CNTN1: variants seen among roughly 807,000 people sequenced by gnomAD.
The protein encoded by CNTN1 is contactin 1.
In CNTN1, 38 loss-of-function variants were observed where a neutral mutation model predicts 126.4. The observed-to-expected ratio is 0.30, with a 90% CI of 0.23 to 0.39. The LOEUF (loss-of-function observed/expected upper bound fraction) is 0.39, where lower values mean the gene tolerates loss of function less well. Among genes scored for constraint, CNTN1 ranks in the 10% least tolerant of loss-of-function variants. The pLI is 1.00. For missense variants in CNTN1, 1,009 were observed against 1,248.4 expected (o/e 0.81, Z 2.89); for synonymous variants, 413 against 422.6 (o/e 0.98, Z 0.28).
In CNTN1 at chr12:41,070,160, T is replaced by C. The variant is rs1393371936; in HGVS notation, c.*125T>C. The C allele has an allele frequency of 1.2e-6, 1 of 818,498 alleles. No individual in the cohort carries two copies. The allele number at this position is 818,498 out of a possible 1,614,324, so 50.7% of individuals were successfully genotyped here. ...CCAAATAAATTATACTTTAACAAAC[T>C]ATTCAACTGATTTACAACACACATG... On this transcript the variant is annotated 3_prime_UTR_variant, in exon 24 of 24. Coordinates refer to ENST00000551295, the MANE Select transcript of CNTN1 (RefSeq NM_001843.4).
At chr12:41,053,757 C>T (rs1278657088) in intron 23 of CNTN1, among the ~76,000 whole-genome samples, 1 of 151,284 alleles carries the variant, frequency 6.6e-6, no homozygotes, top group Non-Finnish European at 1.5e-5. Context: ...TATTATTATA[C>T]TTGTTGAACT....
intron 1 of CNTN1, among the ~76,000 whole-genome samples, chr12:40,708,348 CTAT>C (rs1941822783): frequency 6.6e-6 from 1 of 152,190 alleles, no homozygotes; most frequent in South Asian, 2.1e-4. Flanking sequence ...GTACTGTAGT[CTAT>C]TAAGTGTGCA....
intron 1 of CNTN1, among the ~76,000 whole-genome samples, chr12:40,899,105 C>A (rs1565905407): frequency 6.6e-6 from 1 of 152,136 alleles, no homozygotes; most frequent in African/African-American, 2.4e-5. Flanking sequence ...GGCACTATTT[C>A]TTTACAGGTC....
At chr12:40,852,044 A>G (rs1457691363) in intron 1 of CNTN1, among the ~76,000 whole-genome samples, 1 of 152,178 alleles carries the variant, frequency 6.6e-6, no homozygotes, top group African/African-American at 2.4e-5. Flanking sequence ...AGCTGGCCCA[A>G]GTTCTTGAAA....
intron 23 of CNTN1, among the ~76,000 whole-genome samples, chr12:41,052,397 A>G (rs1265571499): frequency 6.6e-6 from 1 of 152,154 alleles, no homozygotes; most frequent in African/African-American, 2.4e-5. Context: ...AAAATGTCTG[A>G]ATATATATGC....
chr12:40,912,745 C>T (rs1945087173), intron 3 of CNTN1, among the ~76,000 whole-genome samples: 1 of 152,056 alleles, frequency 6.6e-6, no homozygotes, highest in Non-Finnish European at 1.5e-5. Context: ...CAACTAGACT[C>T]ACATCAGTCA....
intron 1 of CNTN1, among the ~76,000 whole-genome samples, chr12:40,842,864 C>T (rs992775106): frequency 1.4e-4 from 21 of 152,150 alleles, no homozygotes; most frequent in African/African-American, 4.3e-4. Flanking sequence ...TGTACATATC[C>T]AATGTAAGAT....
intron 17 of CNTN1, among the ~76,000 whole-genome samples, chr12:40,994,255 C>T (rs528018466): frequency 1.2e-4 from 19 of 152,006 alleles, no homozygotes; most frequent in Non-Finnish European, 2.2e-4. Context: ...TTCTCTCTGA[C>T]GATTTTTACT....
chr12:40,947,764 C>CATATAT lies in CNTN1; in HGVS notation c.1683+3608_1683+3613dup, dbSNP rs34815270. ...CCAGTTTTGGAGATTGTCACTATTT[C>CATATAT]ATATATATATATATATATACACACA... On this transcript the variant is annotated intron_variant, in intron 14 of 23. Transcript: ENST00000551295. Among the ~76,000 whole-genome samples the CATATAT allele has an allele frequency of 8.5e-3, 581 of 68,168 alleles. 8 individuals are homozygous for CATATAT. The highest frequency in any genetic ancestry group is 0.034 in the African/African-American group (515 of 15,276). 44.7% of individuals were successfully genotyped at this position (68,168 alleles called of 152,430 possible). A position where few individuals can be genotyped will look rare whatever the true frequency, so the allele number is the denominator to read the frequency against.
chr12:40,906,669 C>CTTTTTTTTTTTTTTTTTTTTTTTTTT lies in CNTN1; in HGVS notation c.-76-1679_-76-1678insTTTTTTTTTTTTTTTTTTTTTTTTTT, dbSNP rs111442544. On this transcript the variant is annotated intron_variant, in intron 1 of 23. Coordinates refer to ENST00000551295, the MANE Select transcript of CNTN1 (RefSeq NM_001843.4). The stretch of plus-strand genomic sequence containing the variant: ...TTTCCTTTTAAAATTGTTTTTCATG[C>CTTTTTTTTTTTTTTTTTTTTTTTTTT]TTTTTTTTTGTTTTGTTTTTTTTGA... Among the ~76,000 whole-genome samples, 19 of 107,156 alleles carry CTTTTTTTTTTTTTTTTTTTTTTTTTT rather than the reference C, an allele frequency of 1.8e-4. 4 individuals carry two copies. Among genetic ancestry groups the CTTTTTTTTTTTTTTTTTTTTTTTTTT allele is most frequent in the South Asian group, 2.8e-4 (1 of 3,550 alleles). 70.3% of individuals were successfully genotyped at this position (107,156 alleles called of 152,430 possible).
intron 1 of CNTN1, among the ~76,000 whole-genome samples, chr12:40,834,389 A>T (rs911833836): frequency 1.3e-5 from 2 of 152,158 alleles, no homozygotes; most frequent in Non-Finnish European, 2.9e-5. Context: ...CTTTTGAAAA[A>T]CTCAAGTGGC....
At chr12:41,041,326 AT>A (rs1949402153) in intron 23 of CNTN1, among the ~76,000 whole-genome samples, 1 of 152,120 alleles carries the variant, frequency 6.6e-6, no homozygotes, top group Admixed American at 6.6e-5. Context: ...CCAGTATTTT[AT>A]TGAGGATTTT....
intron 15 of CNTN1, among the ~76,000 whole-genome samples, chr12:40,977,065 G>C (rs1947694274): frequency 1.3e-5 from 2 of 152,050 alleles, no homozygotes; most frequent in Non-Finnish European, 2.9e-5. Flanking sequence ...GATACAGCTT[G>C]GTTTTATGTA....
chr12:40,956,576 T>C (rs1432694418), intron 14 of CNTN1, among the ~76,000 whole-genome samples: 2 of 151,822 alleles, frequency 1.3e-5, no homozygotes, highest in Middle Eastern at 3.4e-3. Flanking sequence ...GACAAGACAA[T>C]GTGATGAACC....
intron 17 of CNTN1, among the ~76,000 whole-genome samples, chr12:40,995,086 C>T (rs986361661): frequency 1.6e-4 from 24 of 152,058 alleles, no homozygotes; most frequent in Non-Finnish European, 3.4e-4. Flanking sequence ...AAATATTGAA[C>T]ATAGACCAAG....
chr12:40,848,924 C>T (rs186336993), intron 1 of CNTN1, among the ~76,000 whole-genome samples: 68 of 149,886 alleles, frequency 4.5e-4, no homozygotes, highest in African/African-American at 1.6e-3. Flanking sequence ...ATAAAATAAT[C>T]AAATACAGTA....
chr12:40,733,115 G>C (rs1942539733), intron 1 of CNTN1, among the ~76,000 whole-genome samples: 1 of 151,982 alleles, frequency 6.6e-6, no homozygotes, highest in Admixed American at 6.6e-5. Context: ...TAAACCAGGA[G>C]AGAATATTTA....
At chr12:40,837,590 G>T (rs1475879555) in intron 1 of CNTN1, among the ~76,000 whole-genome samples, 1 of 152,188 alleles carries the variant, frequency 6.6e-6, no homozygotes, top group Non-Finnish European at 1.5e-5. Context: ...CTACAGCAAG[G>T]TGCCATTTTT....
Position 40,865,033 on chromosome 12 carries a change from T to G in CNTN1, c.-76-43324T>G, listed in dbSNP as rs1943251280. On this transcript the variant is annotated intron_variant, in intron 1 of 23. Coordinates refer to ENST00000551295, the MANE Select transcript of CNTN1 (RefSeq NM_001843.4). ...GCCTTTTTTATTAAAGCCATCATAGTGGGTGTGAAGTAATAGTTTATTGTG... is the reference window on the plus strand; with the variant it reads ...GCCTTTTTTATTAAAGCCATCATAGGGGGTGTGAAGTAATAGTTTATTGTG... Among the ~76,000 whole-genome samples, 3 of 152,162 alleles carry G rather than the reference T, an allele frequency of 2.0e-5. No individual in the cohort carries two copies. In the South Asian group the frequency reaches 6.2e-4, roughly 32 times the overall value.
Sources: gnomAD v4.1 joint callset for allele counts (sites outside exome capture counted in the v4.1 genomes callset) on GRCh38, gnomAD v4.1.1 for gene constraint, MANE v1.5 for transcripts, NCBI Gene and HGNC (gene_info 2026-07-23, HGNC 2026-07-21) for gene names.